Variants in DCAF1 observed in about 807,000 individuals in gnomAD.
DCAF1 encodes DDB1 and CUL4 associated factor 1.
Under a neutral mutation model 128.0 loss-of-function variants are expected in DCAF1, and 15 were observed. The ratio of observed to expected loss-of-function variants is 0.12; its 90% CI spans 0.08 to 0.18. The LOEUF (loss-of-function observed/expected upper bound fraction) is 0.18, where lower values mean the gene tolerates loss of function less well. Among genes scored for constraint, DCAF1 ranks in the 10% least tolerant of loss-of-function variants. DCAF1 has a pLI of 1.00. For synonymous variants in DCAF1, 610 were observed against 603.0 expected, an observed-to-expected ratio of 1.01 and a Z score of -0.17; for missense variants, 988 against 1,649.5, an observed-to-expected ratio of 0.60 and a Z score of 6.95.
rs918022645 is a variant in DCAF1, at chr3:51,493,430, C to T, written c.-9+3304G>A. Among the ~76,000 whole-genome samples the T allele has an allele frequency of 1.1e-4, 16 of 150,402 alleles. No homozygotes were observed. In the South Asian group the frequency reaches 1.5e-3, roughly 14 times the overall value. ...ATTGCACTCCAGCCTGGGCAATGAG[C>T]GCAAAACTCCATCTCAGGGGAAAAA... On this transcript the variant is annotated intron_variant, in intron 2 of 24. Coordinates refer to ENST00000684031, the MANE Select transcript of DCAF1 (RefSeq NM_001387579.1).
Position 51,423,798 on chromosome 3 carries a change from C to T in DCAF1, c.1848-1367G>A, listed in dbSNP as rs1192524580. On this transcript the variant is annotated intron_variant, in intron 13 of 24. Coordinates refer to ENST00000684031, the MANE Select transcript of DCAF1 (RefSeq NM_001387579.1). ...TCACACCACTGCACTCGAGCTTGGT[C>T]AACACAGTGAGACTCCGTTTCAAAA... is the stretch of plus-strand genomic sequence containing the variant. Among the ~76,000 whole-genome samples the T allele has an allele frequency of 2.3e-5, 3 of 129,346 alleles. No homozygotes were observed. The Admixed American group carries it at 2.6e-4, about 11-fold the overall frequency. The allele number at this position is 129,346 out of a possible 152,430, so 84.9% of individuals were successfully genotyped here.
intron 2 of DCAF1, among the ~76,000 whole-genome samples, chr3:51,485,703 G>A (rs781902823): frequency 6.6e-6 from 1 of 152,060 alleles, no homozygotes; most frequent in Non-Finnish European, 1.5e-5. Context: ...AGAAATACAT[G>A]TAAAAGATGA....
At chr3:51,490,157 G>C (rs1261278033) in intron 2 of DCAF1, among the ~76,000 whole-genome samples, 1 of 152,142 alleles carries the variant, frequency 6.6e-6, no homozygotes, top group African/African-American at 2.4e-5. Flanking sequence ...GCTCACACCT[G>C]TTAATCCCAG....
chr3:51,401,076 G>A (rs545502715), intron 24 of DCAF1, among the ~76,000 whole-genome samples: 2 of 147,406 alleles, frequency 1.4e-5, no homozygotes, highest in South Asian at 4.3e-4. Flanking sequence ...AGCTTGCAGT[G>A]AGCCAAGACT....
Position 51,494,869 on chromosome 3 carries a change from A to C in DCAF1, c.-9+1865T>G, listed in dbSNP as rs965418383. ...CACCATGCCTGGCCTAAAACACTAA[A>C]ATTTTAGAGTTCAACTTAGAAACAT... On this transcript the variant is annotated intron_variant, in intron 2 of 24. Transcript: ENST00000684031. Among the ~76,000 whole-genome samples the C allele has an allele frequency of 1.1e-4, 16 of 152,234 alleles. No individual in the cohort carries two copies. The South Asian group carries it at 3.1e-3, about 30-fold the overall frequency.
chr3:51,450,520 G>GA (rs1702246842), intron 6 of DCAF1, among the ~76,000 whole-genome samples: 1 of 152,084 alleles, frequency 6.6e-6, no homozygotes, highest in African/African-American at 2.4e-5. Context: ...ACCCTGTAAT[G>GA]AAAAAACAAT....
intron 9 of DCAF1, among the ~76,000 whole-genome samples, chr3:51,439,452 T>TC (rs1701160150): frequency 6.7e-6 from 1 of 148,728 alleles, no homozygotes; most frequent in African/African-American, 2.5e-5. Flanking sequence ...ATTTTTTTTT[T>TC]TTTTTTTGAG....
In DCAF1 at chr3:51,398,138, A is replaced by T. The variant is rs1326701046; in HGVS notation, c.*631T>A. 1 of 152,298 alleles carries T rather than the reference A, an allele frequency of 6.6e-6. No individual in the cohort carries two copies. The highest frequency in any genetic ancestry group is 2.4e-5 in the African/African-American group (1 of 41,440). The allele number at this position is 152,298 out of a possible 1,614,324, so 9.4% of individuals were successfully genotyped here. A position where few individuals can be genotyped will look rare whatever the true frequency, so the allele number is the denominator to read the frequency against. On this transcript the variant is annotated 3_prime_UTR_variant, in exon 25 of 25. Transcript: ENST00000684031. ...TCCTCCCCACCTCTGGCACGAAGGA[A>T]AACAAATTAACCTGACAGCATATGA...
Position 51,398,121 on chromosome 3 carries a change from A to C in DCAF1, c.*648T>G, listed in dbSNP as rs1310204790. The C allele has an allele frequency of 1.3e-5, 2 of 152,460 alleles. No individual in the cohort carries two copies. The highest frequency in any genetic ancestry group is 2.9e-5 in the Non-Finnish European group (2 of 68,024). 9.4% of individuals were successfully genotyped at this position (152,460 alleles called of 1,614,324 possible). A position where few individuals can be genotyped will look rare whatever the true frequency, so the allele number is the denominator to read the frequency against. ...CAGCAGACAGAGTGCCTTCCTCCCC[A>C]CCTCTGGCACGAAGGAAAACAAATT... is the stretch of plus-strand genomic sequence containing the variant. On this transcript the variant is annotated 3_prime_UTR_variant, in exon 25 of 25. Transcript: ENST00000684031.
chr3:51,450,761 C>A (rs557906893), intron 6 of DCAF1, among the ~76,000 whole-genome samples: 1 of 152,130 alleles, frequency 6.6e-6, no homozygotes, highest in Non-Finnish European at 1.5e-5. Flanking sequence ...AGGTTACAGG[C>A]GTGAGCCACC....
chr3:51,468,296 C>T (rs1704353842), intron 4 of DCAF1, among the ~76,000 whole-genome samples: 1 of 152,062 alleles, frequency 6.6e-6, no homozygotes, highest in Admixed American at 6.6e-5. Flanking sequence ...CTCAGCCTCC[C>T]GAGTAGCTGG....
chr3:51,470,573 G>GA (rs1704625120), intron 4 of DCAF1, among the ~76,000 whole-genome samples: 1 of 151,918 alleles, frequency 6.6e-6, no homozygotes. Flanking sequence ...CTCCAAAAAA[G>GA]AAAAAGTCTG....
At chr3:51,403,773 G>C (rs2089909842) in intron 23 of DCAF1, among the ~76,000 whole-genome samples, 1 of 152,154 alleles carries the variant, frequency 6.6e-6, no homozygotes, top group South Asian at 2.1e-4. Flanking sequence ...CTTTTACCTG[G>C]AATCTAAAAT....
Position 51,429,265 on chromosome 3 carries a change from T to A in DCAF1, c.1673A>T (p.Tyr558Phe), listed in dbSNP as rs371676384. The change falls in exon 12 of 25, where the codon TAC becomes TTC. Residue 558 changes from tyrosine to phenylalanine, a missense_variant. Tyr to Phe is a conservative substitution (Grantham distance 22). This residue lies in a region of DCAF1 where 185 missense variants were observed against 248.1 expected (regional missense o/e 0.75). Coordinates refer to ENST00000684031, the MANE Select transcript of DCAF1 (RefSeq NM_001387579.1). ...TTCAAGGCAAGGTCCTCTCACCTTG[T>A]ACGGGGGTTGTGGGTGGACAAGAAT... Reference protein sequence around the residue: ...GGILVHPQPPYKACSYTHEQI... With the variant: ...GGILVHPQPPFKACSYTHEQI... 21 of 775,490 alleles carry A rather than the reference T, an allele frequency of 2.7e-5. No homozygotes were observed. Among genetic ancestry groups the A allele is most frequent in the Non-Finnish European group, 4.1e-5 (17 of 415,530 alleles). The allele number at this position is 775,490 out of a possible 1,614,324, so 48.0% of individuals were successfully genotyped here. A position where few individuals can be genotyped will look rare whatever the true frequency, so the allele number is the denominator to read the frequency against.
intron 24 of DCAF1, among the ~76,000 whole-genome samples, chr3:51,399,499 A>T (rs1553624267): frequency 6.6e-6 from 1 of 152,210 alleles, no homozygotes; most frequent in Non-Finnish European, 1.5e-5. Context: ...ACGCCCTGGA[A>T]GACAGCACTG....
At chr3:51,412,896 C>T in intron 22 of DCAF1, 97 bp downstream of exon 22, 2 of 1,534,068 alleles carry the variant, frequency 1.3e-6, no homozygotes, top group Non-Finnish European at 1.8e-6. Context: ...AATGTATTGA[C>T]TTTACATCTT....
At chr3:51,463,902 T>G (rs1553645595) in intron 5 of DCAF1, among the ~76,000 whole-genome samples, 1 of 152,202 alleles carries the variant, frequency 6.6e-6, no homozygotes, top group African/African-American at 2.4e-5. Flanking sequence ...TCACTTAGGC[T>G]GGAGTGCAGT....
At chr3:51,404,788 C>CT (rs1224913052) in intron 23 of DCAF1, among the ~76,000 whole-genome samples, 4 of 152,184 alleles carry the variant, frequency 2.6e-5, no homozygotes, top group Admixed American at 2.6e-4. Flanking sequence ...CATAGAAGGC[C>CT]TGAGACTATT....
chr3:51,494,938 T>G (rs1708072871), intron 2 of DCAF1, among the ~76,000 whole-genome samples: 1 of 152,022 alleles, frequency 6.6e-6, no homozygotes, highest in Non-Finnish European at 1.5e-5. Flanking sequence ...TTCCAACTAA[T>G]CTATGCCTGA....
Sources: gnomAD v4.1 joint callset for allele counts (sites outside exome capture counted in the v4.1 genomes callset) on GRCh38, gnomAD v4.1.1 for gene constraint, gnomAD v4.1.1 regional missense constraint, MANE v1.5 for transcripts, NCBI Gene and HGNC (gene_info 2026-07-23, HGNC 2026-07-21) for gene names.